The following CDH20 variants were observed in gnomAD, a reference collection of about 807,000 sequenced individuals.
CDH20 encodes the protein cadherin 20, also known as cadherin-20.
A neutral mutation model predicts 74.2 loss-of-function variants in CDH20; 29 were observed. The observed-to-expected ratio is 0.39, with a 90% CI of 0.29 to 0.53. CDH20 has a LOEUF of 0.53. Among genes scored for constraint, CDH20 ranks in the 20% least tolerant of loss-of-function variants. The pLI is 0.69. For synonymous variants in CDH20, 469 were observed against 405.4 expected, an observed-to-expected ratio of 1.16 and a Z score of -1.88; for missense variants, 988 against 1,048.3, an observed-to-expected ratio of 0.94 and a Z score of 0.79.
intron 1 of CDH20, among the ~76,000 whole-genome samples, chr18:61,382,976 G>T (rs1039291128): frequency 6.6e-6 from 1 of 152,092 alleles, no homozygotes; most frequent in Admixed American, 6.5e-5. Context: ...ACTAGATTAC[G>T]GTCTTGGACA....
At chr18:61,348,804 G>C (rs1365613258) in intron 1 of CDH20, among the ~76,000 whole-genome samples, 2 of 152,172 alleles carry the variant, frequency 1.3e-5, no homozygotes, top group African/African-American at 4.8e-5. Context: ...AGTAAGGCAA[G>C]ATTGTGTGAA....
chr18:61,534,382 T>C (rs913151229), intron 7 of CDH20, among the ~76,000 whole-genome samples: 1 of 152,254 alleles, frequency 6.6e-6, no homozygotes, highest in Non-Finnish European at 1.5e-5. Context: ...TTTCTGGGTA[T>C]ATATCCAAAG....
At chr18:61,507,741 A>G (rs561310135) in intron 6 of CDH20, among the ~76,000 whole-genome samples, 181 bp downstream of exon 6, 60 of 152,010 alleles carry the variant, frequency 3.9e-4, no homozygotes, top group African/African-American at 1.4e-3. Flanking sequence ...ACATGAAAAC[A>G]CTGGCTGTGC....
At chr18:61,549,577 A>G (rs1188427513) in intron 10 of CDH20, among the ~76,000 whole-genome samples, 1 of 152,222 alleles carries the variant, frequency 6.6e-6, no homozygotes, top group African/African-American at 2.4e-5. Flanking sequence ...GGAGGCGCAA[A>G]GCAGCACTGG....
intron 5 of CDH20, among the ~76,000 whole-genome samples, chr18:61,504,448 A>G (rs77747086): frequency 2.2e-3 from 335 of 152,324 alleles, no homozygotes; most frequent in African/African-American, 7.6e-3. Flanking sequence ...TACTAATAAA[A>G]ATAGAGGACG....
At position 61,536,595 on chromosome 18, in the gene CDH20, T is replaced by C; in HGVS notation, c.1374T>C (p.Ser458=). 1 of 1,614,016 alleles carries C rather than the reference T, an allele frequency of 6.2e-7. No homozygotes were observed. Among genetic ancestry groups the C allele is most frequent in the Non-Finnish European group, 8.5e-7 (1 of 1,179,900 alleles). Reference sequence around the variant, plus strand: ...GACCCCTAGACCGGGAAGAATTTTCTTGGCATAATATCACTGTCCTTGCTA... The same window carrying C: ...GACCCCTAGACCGGGAAGAATTTTCCTGGCATAATATCACTGTCCTTGCTA... ...TARPLDREEF[S]WHNITVLAME... is the part of the protein sequence containing the mutation. The change falls in exon 8 of 12, where the codon TCT becomes TCC. Residue 458 remains serine, a synonymous_variant. Transcript: ENST00000262717.
At position 61,418,288 on chromosome 18, in the gene CDH20, C is replaced by G. The variant is rs1047212291; in HGVS notation, c.-152-72114C>G. Among the ~76,000 whole-genome samples the G allele has an allele frequency of 2.0e-5, 3 of 152,110 alleles. No homozygotes were observed. In the South Asian group the frequency reaches 6.2e-4, roughly 32 times the overall value. ...AAAACATCCTGGCCGGGCGTGGTGGCTCACGCCTGTAATCCCAGCACTTTG... is the reference window on the plus strand; with the variant it reads ...AAAACATCCTGGCCGGGCGTGGTGGGTCACGCCTGTAATCCCAGCACTTTG... On this transcript the variant is annotated intron_variant, in intron 1 of 11. Coordinates refer to ENST00000262717, the MANE Select transcript of CDH20 (RefSeq NM_031891.4).
At chr18:61,436,545 T>C (rs563882161) in intron 1 of CDH20, among the ~76,000 whole-genome samples, 1 of 152,188 alleles carries the variant, frequency 6.6e-6, no homozygotes. Context: ...CTGTGAAACA[T>C]CTAGGAAGCT....
intron 10 of CDH20, among the ~76,000 whole-genome samples, chr18:61,546,231 G>A (rs1568185753): frequency 1.3e-5 from 2 of 152,196 alleles, no homozygotes; most frequent in African/African-American, 2.4e-5. Flanking sequence ...TCATGATTAG[G>A]TTAGGCACGC....
intron 6 of CDH20, among the ~76,000 whole-genome samples, chr18:61,514,881 G>T (rs1329494208): frequency 1.2e-4 from 18 of 151,820 alleles, no homozygotes; most frequent in African/African-American, 4.3e-4. Context: ...CTGCGTGCTG[G>T]GAGAACCACT....
At chr18:61,440,826 G>A (rs1909005631) in intron 1 of CDH20, among the ~76,000 whole-genome samples, 1 of 152,126 alleles carries the variant, frequency 6.6e-6, no homozygotes, top group African/African-American at 2.4e-5. Flanking sequence ...GGTCTCTTGA[G>A]GTCTAAGCTT....
intron 7 of CDH20, among the ~76,000 whole-genome samples, chr18:61,533,265 C>T (rs1037004487): frequency 2.0e-5 from 3 of 152,102 alleles, no homozygotes; most frequent in African/African-American, 4.8e-5. Flanking sequence ...TTTGGTCATG[C>T]CACTGCACCA....
chr18:61,418,406 T>G (rs1236357961), intron 1 of CDH20, among the ~76,000 whole-genome samples: 3 of 151,748 alleles, frequency 2.0e-5, no homozygotes, highest in Admixed American at 1.3e-4. Flanking sequence ...TACAAAAAAT[T>G]AGCCGGGCGA....
chr18:61,385,670 T>C (rs769358747), intron 1 of CDH20, among the ~76,000 whole-genome samples: 35 of 152,262 alleles, frequency 2.3e-4, no homozygotes, highest in Non-Finnish European at 3.1e-4. Context: ...CAGTGGCTCA[T>C]GCCTGTAATC....
At chr18:61,347,319 TACACACACACACACACACAC>T (rs33985303) in intron 1 of CDH20, among the ~76,000 whole-genome samples, 1 of 77,410 alleles carries the variant, frequency 1.3e-5, no homozygotes, top group African/African-American at 5.8e-5. Flanking sequence ...TATATATATA[TACACACACACACACACACAC>T]ACACACACAC....
intron 2 of CDH20, among the ~76,000 whole-genome samples, chr18:61,493,817 T>G (rs559795255): frequency 7.3e-4 from 111 of 152,318 alleles, no homozygotes; most frequent in Non-Finnish European, 1.1e-3. Context: ...AAGAGTATGT[T>G]TGTATTCAGC....
intron 1 of CDH20, among the ~76,000 whole-genome samples, chr18:61,438,164 T>C (rs1311275132): frequency 6.6e-6 from 1 of 152,164 alleles, no homozygotes; most frequent in Non-Finnish European, 1.5e-5. Context: ...ACCTACTTCC[T>C]ACTCTACATT....
chr18:61,500,545 T>C (rs182894447), intron 4 of CDH20, 43 bp downstream of exon 4: 25 of 1,581,350 alleles, frequency 1.6e-5, no homozygotes, highest in Non-Finnish European at 2.1e-5. Context: ...TATTCCCTGA[T>C]AATTTATAAC....
intron 1 of CDH20, among the ~76,000 whole-genome samples, chr18:61,378,947 A>G (rs1911340542): frequency 6.6e-6 from 1 of 152,164 alleles, no homozygotes; most frequent in Admixed American, 6.6e-5. Flanking sequence ...AGAAAATATT[A>G]TAATAAATTA....
Sources: gnomAD v4.1 joint callset for allele counts (sites outside exome capture counted in the v4.1 genomes callset) on GRCh38, gnomAD v4.1.1 for gene constraint, MANE v1.5 for transcripts, NCBI Gene and HGNC (gene_info 2026-07-23, HGNC 2026-07-21) for gene names.